RERE: variants seen among roughly 807,000 people sequenced by gnomAD.
The protein encoded by RERE is arginine-glutamic acid dipeptide repeats protein.
A neutral mutation model predicts 146.1 loss-of-function variants in RERE; 40 were observed. The observed-to-expected ratio is 0.27, with a 90% CI of 0.21 to 0.36. The LOEUF (loss-of-function observed/expected upper bound fraction) is 0.36, where lower values mean the gene tolerates loss of function less well. Among genes scored for constraint, RERE ranks in the 10% least tolerant of loss-of-function variants. The pLI is 1.00. For synonymous variants in RERE, 1,003 were observed against 866.0 expected, an observed-to-expected ratio of 1.16 and a Z score of -2.78; for missense variants, 1,933 against 2,138.7, an observed-to-expected ratio of 0.90 and a Z score of 1.90.
At chr1:8,804,536 A>G (rs1250275960) in intron 1 of RERE, among the ~76,000 whole-genome samples, 2 of 152,212 alleles carry the variant, frequency 1.3e-5, no homozygotes, top group Non-Finnish European at 2.9e-5. Flanking sequence ...GACTAGGCAC[A>G]TAGTAATTTC....
chr1:8,596,303 C>T (rs1342521691), intron 4 of RERE, among the ~76,000 whole-genome samples: 1 of 152,150 alleles, frequency 6.6e-6, no homozygotes, highest in African/African-American at 2.4e-5. Context: ...AAGCTTTCTG[C>T]CTCATAAACA....
intron 1 of RERE, among the ~76,000 whole-genome samples, chr1:8,759,026 C>A (rs992914573): frequency 2.0e-5 from 3 of 151,964 alleles, no homozygotes; most frequent in African/African-American, 7.3e-5. Context: ...AGATATTTCC[C>A]AACTACTCAG....
At chr1:8,421,495 T>C (rs1643909399) in intron 12 of RERE, among the ~76,000 whole-genome samples, 1 of 152,210 alleles carries the variant, frequency 6.6e-6, no homozygotes, top group Non-Finnish European at 1.5e-5. Flanking sequence ...CTCAATATGA[T>C]CCATCCTAGC....
chr1:8,381,440 A>AG (rs1642454506), intron 12 of RERE, among the ~76,000 whole-genome samples: 1 of 152,256 alleles, frequency 6.6e-6, no homozygotes, highest in African/African-American at 2.4e-5. Context: ...TACATAAAAC[A>AG]GAGGAGTCAC....
chr1:8,441,726 A>G (rs301819), intron 11 of RERE, among the ~76,000 whole-genome samples: 94,032 of 152,002 alleles, frequency 0.62, 29,734 homozygotes, highest in East Asian at 0.84. Context: ...ACTTACTCAC[A>G]TAAACAAGGT....
intron 2 of RERE, among the ~76,000 whole-genome samples, chr1:8,626,581 A>T (rs902706821): frequency 5.3e-5 from 8 of 152,168 alleles, no homozygotes; most frequent in African/African-American, 1.9e-4. Context: ...TCCAATCCTA[A>T]GATAAACCCC....
intron 2 of RERE, among the ~76,000 whole-genome samples, chr1:8,643,635 A>G (rs1349991492): frequency 6.6e-6 from 1 of 152,232 alleles, no homozygotes; most frequent in Non-Finnish European, 1.5e-5. Context: ...CAAAGGTGAT[A>G]CTGAGAATAC....
chr1:8,404,309 C>T (rs1027224403), intron 12 of RERE, among the ~76,000 whole-genome samples: 3 of 151,862 alleles, frequency 2.0e-5, no homozygotes, highest in Admixed American at 6.6e-5. Flanking sequence ...CCCAGGTACT[C>T]GGAGAGGCTG....
At chr1:8,673,177 C>G (rs906560801) in intron 1 of RERE, among the ~76,000 whole-genome samples, 1 of 152,192 alleles carries the variant, frequency 6.6e-6, no homozygotes, top group African/African-American at 2.4e-5. Flanking sequence ...CTCACTGCAA[C>G]CTCCACCTCC....
At chr1:8,573,677 A>G (rs1646252307) in intron 4 of RERE, among the ~76,000 whole-genome samples, 1 of 152,222 alleles carries the variant, frequency 6.6e-6, no homozygotes, top group Admixed American at 6.5e-5. Context: ...GTTTGGTATC[A>G]CAGCTAAGTG....
intron 1 of RERE, among the ~76,000 whole-genome samples, chr1:8,717,867 G>T (rs1226715124): frequency 6.6e-6 from 1 of 152,196 alleles, no homozygotes; most frequent in Non-Finnish European, 1.5e-5. Context: ...ATGTCCATGG[G>T]AATGCTGACA....
Position 8,789,301 on chromosome 1 carries a change from A to AATATATAT in RERE, c.-145+27851_-145+27858dup, listed in dbSNP as rs1553149622. ...CTCTACCAAAAAAAAAAAAAAAAAA[A>AATATATAT]ATATATATATATATATATATATATG... On this transcript the variant is annotated intron_variant, in intron 1 of 22. Coordinates refer to ENST00000400908, the MANE Select transcript of RERE (RefSeq NM_001042681.2). 4.3e-3 allele frequency among the ~76,000 whole-genome samples: 107 copies of AATATATAT among 24,770 alleles called. 2 individuals are homozygous for AATATATAT. Among genetic ancestry groups the AATATATAT allele is most frequent in the African/African-American group, 7.0e-3 (30 of 4,314 alleles). The allele number at this position is 24,770 out of a possible 152,430, so 16.3% of individuals were successfully genotyped here.
At chr1:8,498,732 T>TATATACACACACACACAC (rs150497092) in intron 8 of RERE, among the ~76,000 whole-genome samples, 58 of 107,828 alleles carry the variant, frequency 5.4e-4, no homozygotes, top group Non-Finnish European at 9.0e-4. Context: ...AATAAATATA[T>TATATACACACACACACAC]ACACACACAC....
rs542343819 is a variant in RERE, at chr1:8,543,761, A to G, written c.726-2443T>C. 6.4e-4 allele frequency among the ~76,000 whole-genome samples: 98 copies of G among 152,338 alleles called. 2 individuals are homozygous for G. In the South Asian group the frequency reaches 0.018, roughly 29 times the overall value. On this transcript the variant is annotated intron_variant, in intron 6 of 22. Coordinates refer to ENST00000400908, the MANE Select transcript of RERE (RefSeq NM_001042681.2). ...CAAAAAATGTCTCAAGACTTGCCAA[A>G]TGTCTCCTGTGAGGGAAGAAACTAC...
intron 1 of RERE, among the ~76,000 whole-genome samples, chr1:8,731,808 T>G (rs150802184): frequency 2.0e-5 from 3 of 146,998 alleles, no homozygotes; most frequent in African/African-American, 4.9e-5. Flanking sequence ...TTGTTTGTTT[T>G]GTTTTGTTTT....
chr1:8,644,849 G>C lies in RERE; in HGVS notation c.325+11124C>G, dbSNP rs1647247448. Among the ~76,000 whole-genome samples the C allele has an allele frequency of 2.0e-5, 3 of 152,200 alleles. No individual in the cohort carries two copies. The South Asian group carries it at 6.2e-4, about 32-fold the overall frequency. ...CTATAAATAATTTTAGGAGTAAAAG[G>C]AGAAAAGAGAAAAAGAGCAAAGTAA... On this transcript the variant is annotated intron_variant, in intron 2 of 22. Transcript: ENST00000400908.
chr1:8,537,734 A>G (rs1207865175), intron 7 of RERE, among the ~76,000 whole-genome samples: 1 of 152,242 alleles, frequency 6.6e-6, no homozygotes, highest in Non-Finnish European at 1.5e-5. Flanking sequence ...CAAATTCTAG[A>G]GTACAGAACA....
Position 8,360,455 on chromosome 1 carries a change from C to A in RERE, c.3052G>T (p.Ala1018Ser), listed in dbSNP as rs1641518126. 1 of 107,816 alleles carries A rather than the reference C, an allele frequency of 9.3e-6. No homozygotes were observed. The highest frequency in any genetic ancestry group is 1.5e-5 in the Non-Finnish European group (1 of 68,178). 6.7% of individuals were successfully genotyped at this position (107,816 alleles called of 1,614,324 possible). The change falls in exon 18 of 23, where the codon GCC becomes TCC. Residue 1018 changes from alanine to serine, a missense_variant. Around this residue, in one of 11 missense-constraint regions of RERE, gnomAD observed 1,255 missense variants for 1,153.8 expected, o/e 1.09. Transcript: ENST00000400908. ...TQSQNLPPPP[A>S]SHPPTGLHQV... ...TGGAGGCCTGTAGGGGGGTGGGAGG[C>A]AGGGGGCGGGGGCAGGTTCTGGCTC...
chr1:8,809,116 C>T (rs1202033020), intron 1 of RERE, among the ~76,000 whole-genome samples: 15 of 123,578 alleles, frequency 1.2e-4, no homozygotes, highest in African/African-American at 5.1e-4. Context: ...CCAGCCTGGG[C>T]GACAGAGCGA....
Sources: allele counts gnomAD v4.1 joint callset (sites outside exome capture counted in the v4.1 genomes callset), GRCh38; gene constraint gnomAD v4.1.1; regional missense constraint gnomAD v4.1.1; transcripts MANE v1.5; gene names NCBI Gene and HGNC (gene_info 2026-07-23, HGNC 2026-07-21).